Variants in DCLRE1C observed in about 807,000 individuals in gnomAD.
DCLRE1C encodes protein artemis.
DCLRE1C carries 47 observed loss-of-function variants against 61.4 expected under a neutral mutation model. The observed-to-expected ratio is 0.77, with a 90% CI of 0.61 to 0.98. DCLRE1C has a LOEUF of 0.98. Ranked by LOEUF, DCLRE1C falls within the 50% of genes least tolerant of loss-of-function variation. DCLRE1C has a pLI of 0.00. For synonymous variants in DCLRE1C, 337 were observed against 287.6 expected (o/e 1.17, Z -1.74); for missense variants, 858 against 816.0 (o/e 1.05, Z -0.63).
At chr10:14,948,601 G>A (rs1842018635) in intron 2 of DCLRE1C, among the ~76,000 whole-genome samples, 2 of 152,106 alleles carry the variant, frequency 1.3e-5, no homozygotes, top group South Asian at 4.1e-4. Context: ...GGGGCCAGGT[G>A]CCAGTGGCTC....
intron 1 of DCLRE1C, among the ~76,000 whole-genome samples, chr10:14,949,743 C>G (rs1483992321): frequency 2.0e-5 from 3 of 152,212 alleles, no homozygotes; most frequent in East Asian, 3.8e-4. Context: ...TCAAACAGCT[C>G]TAAATTGTTT....
At chr10:14,924,179 T>C (rs1837575604) in intron 11 of DCLRE1C, among the ~76,000 whole-genome samples, 1 of 152,240 alleles carries the variant, frequency 6.6e-6, no homozygotes, top group Non-Finnish European at 1.5e-5. Context: ...CGGGAGTGCT[T>C]GCTCTCTCTC....
intron 11 of DCLRE1C, among the ~76,000 whole-genome samples, chr10:14,925,225 T>TAAAAA (rs67477083): frequency 8.5e-4 from 93 of 109,060 alleles, no homozygotes; most frequent in Non-Finnish European, 1.2e-3. Context: ...ATAAAGGATT[T>TAAAAA]AAAAAAAAAA....
rs1208388908 is a variant in DCLRE1C at position 14,953,896 on chromosome 10, A to T, written c.109+6T>A. ...CGGGAGCGGGCGACGCGCAGCCCTC[A>T]CTCACCTTTGTGGCAGTGGGACAGG... is the stretch of plus-strand genomic sequence containing the variant. On this transcript the variant is annotated splice_donor_region_variant and intron_variant, in intron 1 of 13. Coordinates refer to ENST00000378278, the MANE Select transcript of DCLRE1C (RefSeq NM_001033855.3). 6.2e-7 allele frequency: 1 copy of T among 1,613,530 alleles called. No homozygotes were observed. Among genetic ancestry groups the T allele is most frequent in the Admixed American group, 1.7e-5 (1 of 59,978 alleles).
intron 1 of DCLRE1C, among the ~76,000 whole-genome samples, chr10:14,950,376 A>C (rs1421138202): frequency 3.3e-5 from 5 of 151,276 alleles, no homozygotes; most frequent in South Asian, 4.2e-4. Flanking sequence ...AAAAAAAAAA[A>C]CAAGAACAAT....
At chr10:14,902,587 G>T, downstream of DCLRE1C, 2 of 911,472 alleles carry the variant, frequency 2.2e-6, no homozygotes, top group East Asian at 2.8e-5. Flanking sequence ...TACATATTTG[G>T]GACTCTTATT....
chr10:14,953,640 G>T (rs1199848375), intron 1 of DCLRE1C, among the ~76,000 whole-genome samples: 1 of 152,186 alleles, frequency 6.6e-6, no homozygotes, highest in Non-Finnish European at 1.5e-5. Flanking sequence ...CACCAGCAAA[G>T]CTACCAAGAG....
chr10:14,910,787 G>C (rs1201498946), intron 13 of DCLRE1C, among the ~76,000 whole-genome samples: 1 of 151,780 alleles, frequency 6.6e-6, no homozygotes. Context: ...TAACGGACTA[G>C]ATTTAACCTC....
chr10:14,928,136 T>C lies in DCLRE1C; in HGVS notation c.797A>G (p.Gln266Arg), dbSNP rs778331450. The change falls in exon 10 of 14, where the codon CAG becomes CGG. Residue 266 changes from glutamine to arginine, a missense_variant. Gln to Arg is a conservative substitution (Grantham distance 43). Transcript: ENST00000378278. ...CRHPKAEEYF[Q>R]WSKLPCGITS... ...AATTCCACAGGGTAATTTGCTCCAC[T>C]GAAAATATTCCTCTGCCTAAAAAAG... 6.2e-7 allele frequency: 1 copy of C among 1,613,416 alleles called. No homozygotes were observed. Among genetic ancestry groups the C allele is most frequent in the East Asian group, 2.2e-5 (1 of 44,818 alleles).
intron 13 of DCLRE1C, among the ~76,000 whole-genome samples, chr10:14,910,795 C>G (rs1289474245): frequency 6.6e-6 from 1 of 152,122 alleles, no homozygotes; most frequent in Non-Finnish European, 1.5e-5. Flanking sequence ...TAGATTTAAC[C>G]TCCCACTTGA....
At chr10:14,916,122 T>C (rs574339285) in intron 13 of DCLRE1C, among the ~76,000 whole-genome samples, 1 of 152,186 alleles carries the variant, frequency 6.6e-6, no homozygotes, top group African/African-American at 2.4e-5. Flanking sequence ...CCTATACTTA[T>C]CATTATACTT....
chr10:14,908,229 C>G lies in DCLRE1C; in HGVS notation c.*179G>C. 1 of 452,276 alleles carries G rather than the reference C, an allele frequency of 2.2e-6. No homozygotes were observed. Among genetic ancestry groups the G allele is most frequent in the Non-Finnish European group, 3.9e-6 (1 of 257,718 alleles). The allele number at this position is 452,276 out of a possible 1,614,324, so 28.0% of individuals were successfully genotyped here. The stretch of plus-strand genomic sequence containing the variant: ...TTCACTGTGTTGGCCAGGCTGGTGT[C>G]GAACTCCTGGGCTCAAGCCATTGCC... On this transcript the variant is annotated 3_prime_UTR_variant, in exon 14 of 14. Transcript: ENST00000378278.
upstream of DCLRE1C, chr10:14,954,146 G>A: frequency 6.8e-7 from 1 of 1,470,538 alleles, no homozygotes; most frequent in African/African-American, 1.4e-5. Context: ...TCCAATCAGA[G>A]GAGTCCGGAG....
At chr10:14,923,231 T>A (rs1422516373) in intron 11 of DCLRE1C, 162 bp from the exon 12 acceptor site, 10 of 634,730 alleles carry the variant, frequency 1.6e-5, no homozygotes, top group Non-Finnish European at 2.6e-5. Context: ...GGGAAAAAAA[T>A]ATCCAATGCC....
intron 11 of DCLRE1C, among the ~76,000 whole-genome samples, chr10:14,925,998 C>T (rs925981099): frequency 2.0e-5 from 3 of 152,106 alleles, no homozygotes; most frequent in African/African-American, 7.2e-5. Context: ...GGGGCTTTTC[C>T]CCACTTTCAC....
At chr10:14,929,142 T>C (rs753569298) in intron 9 of DCLRE1C, among the ~76,000 whole-genome samples, 3 of 152,158 alleles carry the variant, frequency 2.0e-5, no homozygotes, top group Non-Finnish European at 2.9e-5. Flanking sequence ...TGGTGGCTTA[T>C]GCCTATAATC....
intron 4 of DCLRE1C, among the ~76,000 whole-genome samples, chr10:14,938,975 G>A (rs896727166): frequency 1.3e-5 from 2 of 152,140 alleles, no homozygotes; most frequent in African/African-American, 4.8e-5. Flanking sequence ...AAATTCCTAT[G>A]TTGAAATCCT....
intron 13 of DCLRE1C, among the ~76,000 whole-genome samples, chr10:14,912,728 C>G (rs187021971): frequency 6.6e-6 from 1 of 152,306 alleles, no homozygotes; most frequent in African/African-American, 2.4e-5. Flanking sequence ...CTCGCTCTGT[C>G]GCCCACACTG....
In DCLRE1C at chr10:14,932,883, T is replaced by A; in HGVS notation, c.751A>T (p.Thr251Ser). The stretch of plus-strand genomic sequence containing the variant: ...GGATGCCGGCATGCATGGATCTGAG[T>A]GTTGCGGTCTGTTGTGAGATGATGA... ...ILHHLTTDRN[T>S]QIHACRHPKA... Residue 251 changes from threonine (T) to serine (S), a missense_variant, in exon 9 of 14, where the codon ACT becomes TCT. Physicochemically the swap from Thr to Ser is moderately conservative, Grantham distance 58 (BLOSUM62 1). Transcript: ENST00000378278. 1 of 1,614,114 alleles carries A rather than the reference T, an allele frequency of 6.2e-7. No individual in the cohort carries two copies. The highest frequency in any genetic ancestry group is 8.5e-7 in the Non-Finnish European group (1 of 1,180,010).
Sources: allele counts gnomAD v4.1 joint callset (sites outside exome capture counted in the v4.1 genomes callset), GRCh38; gene constraint gnomAD v4.1.1; transcripts MANE v1.5; gene names NCBI Gene and HGNC (gene_info 2026-07-23, HGNC 2026-07-21).